Variants in CERS6 observed in about 807,000 individuals in gnomAD.
The protein encoded by CERS6 is LAG1 homolog, ceramide synthase 6.
A neutral mutation model predicts 56.8 loss-of-function variants in CERS6; 26 were observed. That is an observed-to-expected ratio of 0.46 (90% CI 0.34 to 0.63). CERS6 has a LOEUF of 0.63. Ranked by LOEUF, CERS6 falls within the 30% of genes least tolerant of loss-of-function variation. The pLI is 0.01. For missense variants in CERS6, 415 were observed against 467.5 expected, an observed-to-expected ratio of 0.89 and a Z score of 1.04; for synonymous variants, 164 against 173.3, an observed-to-expected ratio of 0.95 and a Z score of 0.42.
chr2:168,743,995 C>CTTTTTTTTTTTTTTT (rs58256507), intron 8 of CERS6, among the ~76,000 whole-genome samples: 21 of 63,396 alleles, frequency 3.3e-4, no homozygotes, highest in East Asian at 4.6e-4. Flanking sequence ...TCTTTTTTTT[C>CTTTTTTTTTTTTTTT]TTTTTTTTTT....
At chr2:168,681,367 A>T (rs982069650) in intron 4 of CERS6, among the ~76,000 whole-genome samples, 3 of 152,232 alleles carry the variant, frequency 2.0e-5, no homozygotes, top group African/African-American at 7.2e-5. Context: ...AAAGGCAGCT[A>T]TATCCTGTGC....
At chr2:168,564,755 A>G (rs1025282478) in intron 3 of CERS6, among the ~76,000 whole-genome samples, 6 of 152,096 alleles carry the variant, frequency 3.9e-5, no homozygotes, top group Non-Finnish European at 4.4e-5. Flanking sequence ...TGGCCTGACT[A>G]TTGGGGCTGG....
At chr2:168,610,893 C>G (rs190524482) in intron 3 of CERS6, among the ~76,000 whole-genome samples, 1 of 152,098 alleles carries the variant, frequency 6.6e-6, no homozygotes, top group South Asian at 2.1e-4. Context: ...CTGCAACCTC[C>G]GCCTCCCAGA....
intron 4 of CERS6, among the ~76,000 whole-genome samples, chr2:168,667,483 T>G (rs1420561179): frequency 6.6e-6 from 1 of 152,232 alleles, no homozygotes; most frequent in Admixed American, 6.5e-5. Flanking sequence ...ATATGTTTTG[T>G]CACATGAAAT....
chr2:168,744,456 C>T (rs552372150), intron 8 of CERS6, among the ~76,000 whole-genome samples: 4 of 152,006 alleles, frequency 2.6e-5, no homozygotes, highest in Admixed American at 6.6e-5. Context: ...AGTTTACAAA[C>T]GCATGCTTCA....
intron 8 of CERS6, among the ~76,000 whole-genome samples, chr2:168,736,928 C>T (rs774322382): frequency 7.2e-5 from 11 of 152,280 alleles, no homozygotes; most frequent in Admixed American, 4.6e-4. Context: ...TAGGCTCTCT[C>T]GCCTCTGGTC....
chr2:168,595,015 G>T (rs543015583), intron 3 of CERS6, among the ~76,000 whole-genome samples: 1 of 152,204 alleles, frequency 6.6e-6, no homozygotes, highest in Admixed American at 6.5e-5. Flanking sequence ...TTTCAGGGCT[G>T]TGAGGATGCA....
At chr2:168,498,625 A>T (rs1487179527) in intron 1 of CERS6, among the ~76,000 whole-genome samples, 1 of 152,202 alleles carries the variant, frequency 6.6e-6, no homozygotes, top group Non-Finnish European at 1.5e-5. Flanking sequence ...ACGTAAATAT[A>T]TTACAGTTAG....
intron 1 of CERS6, among the ~76,000 whole-genome samples, chr2:168,506,689 C>T (rs1694683853): frequency 1.3e-5 from 2 of 152,240 alleles, no homozygotes; most frequent in East Asian, 3.9e-4. Flanking sequence ...TTCATTCAAA[C>T]TTCTCAGTAA....
intron 3 of CERS6, among the ~76,000 whole-genome samples, chr2:168,622,733 A>G (rs1011640320): frequency 2.6e-5 from 4 of 152,234 alleles, no homozygotes; most frequent in Non-Finnish European, 5.9e-5. Flanking sequence ...GCAAATGAAG[A>G]AAACTATTTG....
chr2:168,611,964 G>A (rs1684199807), intron 3 of CERS6, among the ~76,000 whole-genome samples: 9 of 152,136 alleles, frequency 5.9e-5, no homozygotes, highest in Admixed American at 5.9e-4. Context: ...CTAGCCATTG[G>A]CACTGGCCCA....
Position 168,774,073 on chromosome 2 carries a change from A to G in CERS6, c.*4411A>G, listed in dbSNP as rs1684934381. On this transcript the variant is annotated 3_prime_UTR_variant, in exon 10 of 10. Transcript: ENST00000305747. ...GCTTGGTCTTTTCCAGGTATTTCCAACTTGAGTTCAACCCAAAGCCTTTGA... is the reference window on the plus strand; with the variant it reads ...GCTTGGTCTTTTCCAGGTATTTCCAGCTTGAGTTCAACCCAAAGCCTTTGA... 6.6e-6 allele frequency: 1 copy of G among 152,218 alleles called. No individual in the cohort carries two copies. Among genetic ancestry groups the G allele is most frequent in the Non-Finnish European group, 1.5e-5 (1 of 68,054 alleles). The allele number at this position is 152,218 out of a possible 1,614,324, so 9.4% of individuals were successfully genotyped here.
chr2:168,727,504 G>A (rs1467228195), intron 8 of CERS6, among the ~76,000 whole-genome samples: 4 of 150,268 alleles, frequency 2.7e-5, no homozygotes, highest in Admixed American at 6.6e-5. Context: ...AGCCGAGATC[G>A]CGCCACTGCA....
chr2:168,465,730 G>T (rs1484341465), intron 1 of CERS6, among the ~76,000 whole-genome samples: 1 of 152,142 alleles, frequency 6.6e-6, no homozygotes, highest in African/African-American at 2.4e-5. Context: ...GGTGCTGGAG[G>T]TTGGTGCAGA....
chr2:168,582,532 A>G (rs1241165086), intron 3 of CERS6, among the ~76,000 whole-genome samples: 3 of 152,194 alleles, frequency 2.0e-5, no homozygotes, highest in Non-Finnish European at 2.9e-5. Flanking sequence ...GAAAGGAAGT[A>G]TTAATAAGAC....
chr2:168,688,415 C>A (rs1205225683), intron 4 of CERS6, among the ~76,000 whole-genome samples: 248 of 135,244 alleles, frequency 1.8e-3, no homozygotes, highest in South Asian at 2.6e-3. Flanking sequence ...GACTCCGTCT[C>A]AAAAAAAAAA....
At chr2:168,558,781 A>G (rs1558997539) in intron 2 of CERS6, among the ~76,000 whole-genome samples, 1 of 152,198 alleles carries the variant, frequency 6.6e-6, no homozygotes, top group African/African-American at 2.4e-5. Context: ...AGGCAGGAGA[A>G]TGGTGTGAAC....
In CERS6 at chr2:168,507,598, T is replaced by C. The variant is rs767327163; in HGVS notation, c.171-39998T>C. Among the ~76,000 whole-genome samples, 4 of 152,312 alleles carry C rather than the reference T, an allele frequency of 2.6e-5. No homozygotes were observed. The East Asian group carries it at 7.7e-4, about 29-fold the overall frequency. ...TGGATCACCTGGTCATGCTAGTGTA[T>C]GCCAGGTTTACTGTTTCCCTCTGTG... On this transcript the variant is annotated intron_variant, in intron 1 of 9. Coordinates refer to ENST00000305747, the MANE Select transcript of CERS6 (RefSeq NM_203463.3).
At chr2:168,662,603 C>T (rs370741489) in intron 4 of CERS6, among the ~76,000 whole-genome samples, 155 of 152,226 alleles carry the variant, frequency 1.0e-3, no homozygotes, top group African/African-American at 3.4e-3. Context: ...TGGTGGCGGG[C>T]GGCTGTAATC....
Sources: allele counts gnomAD v4.1 joint callset (sites outside exome capture counted in the v4.1 genomes callset), GRCh38; gene constraint gnomAD v4.1.1; transcripts MANE v1.5; gene names NCBI Gene and HGNC (gene_info 2026-07-23, HGNC 2026-07-21).